PLXNA4: variants seen among roughly 807,000 people sequenced by gnomAD.
The protein encoded by PLXNA4 is plexin-A4.
PLXNA4 carries 44 observed loss-of-function variants against 191.8 expected under a neutral mutation model. That is an observed-to-expected ratio of 0.23 (90% CI 0.18 to 0.29). The LOEUF (loss-of-function observed/expected upper bound fraction) is 0.29, where lower values mean the gene tolerates loss of function less well. PLXNA4 is among the 10% of genes least tolerant of loss of function. The probability of loss-of-function intolerance (pLI) is 1.00; values close to 1 mark genes in which losing one functional copy is unlikely to be tolerated. For missense variants in PLXNA4, 1,800 were observed against 2,488.8 expected (o/e 0.72, Z 5.89); for synonymous variants, 1,082 against 1,009.5 (o/e 1.07, Z -1.36).
At chr7:132,285,106 G>A (rs1800635543) in intron 4 of PLXNA4, among the ~76,000 whole-genome samples, 1 of 152,196 alleles carries the variant, frequency 6.6e-6, no homozygotes, top group East Asian at 1.9e-4. Flanking sequence ...GCCTCATTGA[G>A]TTGTCATTAT....
intron 3 of PLXNA4, among the ~76,000 whole-genome samples, chr7:132,339,989 A>G (rs1175416625): frequency 1.3e-5 from 2 of 152,268 alleles, no homozygotes; most frequent in African/African-American, 4.8e-5. Flanking sequence ...ATCCAGACTG[A>G]AAATACTCAC....
intron 14 of PLXNA4, among the ~76,000 whole-genome samples, chr7:132,188,991 AAGGAGAGAGAGAGAGAGAGAGAGAG>A (rs1796979750): frequency 4.7e-5 from 2 of 42,474 alleles, no homozygotes; most frequent in African/African-American, 1.5e-4. Context: ...AAGGAAAGGA[AAGGAGAGAGAGAGAGAGAGAGAGAG>A]AGAGAGAGAG....
At chr7:132,513,595 G>A (rs753314127) in intron 1 of PLXNA4, among the ~76,000 whole-genome samples, 2 of 152,178 alleles carry the variant, frequency 1.3e-5, no homozygotes, top group Admixed American at 1.3e-4. Flanking sequence ...CCCTAAGATG[G>A]CATTTCAAAA....
chr7:132,186,535 C>A (rs1796883529), intron 15 of PLXNA4, among the ~76,000 whole-genome samples: 1 of 152,182 alleles, frequency 6.6e-6, no homozygotes, highest in Non-Finnish European at 1.5e-5. Flanking sequence ...GAGCCCAAAT[C>A]CTCTCCCAAA....
intron 1 of PLXNA4, among the ~76,000 whole-genome samples, chr7:132,568,233 C>A (rs2116738082): frequency 6.6e-6 from 1 of 152,286 alleles, no homozygotes; most frequent in East Asian, 1.9e-4. Flanking sequence ...ACGACCTCCC[C>A]CTGCTTCCCA....
intron 24 of PLXNA4, among the ~76,000 whole-genome samples, chr7:132,162,885 GA>G (rs1195167020): frequency 6.6e-6 from 1 of 152,106 alleles, no homozygotes; most frequent in African/African-American, 2.4e-5. Flanking sequence ...TCAGAGGTGG[GA>G]ACTGTCTCCC....
intron 2 of PLXNA4, among the ~76,000 whole-genome samples, chr7:132,610,871 CAG>C (rs1803031678): frequency 6.6e-6 from 1 of 152,160 alleles, no homozygotes; most frequent in Admixed American, 6.5e-5. Flanking sequence ...CTTGGAGGAG[CAG>C]AGGTTTGCCA....
intron 5 of PLXNA4, among the ~76,000 whole-genome samples, chr7:132,232,230 C>T (rs1431974450): frequency 6.6e-6 from 1 of 152,124 alleles, no homozygotes; most frequent in Non-Finnish European, 1.5e-5. Flanking sequence ...TTCCAAGAGG[C>T]CTCAGGTACT....
intron 3 of PLXNA4, among the ~76,000 whole-genome samples, chr7:132,427,523 C>T (rs372922238): frequency 6.6e-6 from 1 of 152,198 alleles, no homozygotes; most frequent in Non-Finnish European, 1.5e-5. Flanking sequence ...TGTGGGGGCC[C>T]TCACCTCCAC....
chr7:132,551,369 C>G (rs986782480), intron 1 of PLXNA4, among the ~76,000 whole-genome samples: 1 of 152,104 alleles, frequency 6.6e-6, no homozygotes, highest in Non-Finnish European at 1.5e-5. Context: ...ACATACTAAC[C>G]CATATTGAAC....
intron 4 of PLXNA4, among the ~76,000 whole-genome samples, chr7:132,275,133 C>T (rs935476817): frequency 1.3e-5 from 2 of 152,118 alleles, no homozygotes; most frequent in Admixed American, 6.6e-5. Context: ...TGACTCTTCT[C>T]TATAATTATT....
chr7:132,161,347 G>A (rs1562890016), intron 24 of PLXNA4, among the ~76,000 whole-genome samples: 1 of 152,258 alleles, frequency 6.6e-6, no homozygotes, highest in Admixed American at 6.5e-5. Flanking sequence ...TAAAGTGGAA[G>A]CAGTGGCCCC....
chr7:132,385,635 T>C (rs1805097951), intron 3 of PLXNA4, among the ~76,000 whole-genome samples: 1 of 152,226 alleles, frequency 6.6e-6, no homozygotes, highest in African/African-American at 2.4e-5. Flanking sequence ...GCCTCACCTA[T>C]GTCCCTGAAA....
rs1585079593 is a variant in PLXNA4 at position 132,396,658 on chromosome 7, T to G, written c.1371+92634A>C. 5.9e-5 allele frequency among the ~76,000 whole-genome samples: 9 copies of G among 152,286 alleles called. 2 individuals are homozygous for G. Among genetic ancestry groups the G allele is most frequent in the Admixed American group, 5.9e-4 (9 of 15,294 alleles). ...GGTGTGTGCAACCATGGCCGACTAA[T>G]TTTTTGTATTTTTGGTAGAGGACGG... On this transcript the variant is annotated intron_variant, in intron 3 of 31. Coordinates refer to ENST00000321063, the MANE Select transcript of PLXNA4 (RefSeq NM_020911.2).
At chr7:132,225,943 C>T (rs1798308186) in intron 8 of PLXNA4, among the ~76,000 whole-genome samples, 2 of 152,076 alleles carry the variant, frequency 1.3e-5, no homozygotes, top group African/African-American at 4.8e-5. Context: ...TAGTCTCTTT[C>T]CATTAACCCT....
intron 3 of PLXNA4, among the ~76,000 whole-genome samples, chr7:132,421,885 A>G (rs1794862935): frequency 1.3e-5 from 2 of 152,162 alleles, no homozygotes; most frequent in Admixed American, 6.5e-5. Context: ...TGAGATGTCA[A>G]ATACATCACT....
chr7:132,265,548 A>G (rs1314864029), intron 4 of PLXNA4, among the ~76,000 whole-genome samples: 2 of 152,200 alleles, frequency 1.3e-5, no homozygotes, highest in African/African-American at 4.8e-5. Context: ...CAGCAAGAAG[A>G]CAGGATTGGG....
At chr7:132,455,860 C>T (rs961511537) in intron 3 of PLXNA4, among the ~76,000 whole-genome samples, 1 of 152,148 alleles carries the variant, frequency 6.6e-6, no homozygotes, top group African/African-American at 2.4e-5. Context: ...CTGCCCAGAC[C>T]TGACCATCAA....
chr7:132,383,232 A>G (rs2116950380), intron 3 of PLXNA4, among the ~76,000 whole-genome samples: 2 of 152,228 alleles, frequency 1.3e-5, no homozygotes, highest in East Asian at 3.9e-4. Context: ...CCCCCTCGAG[A>G]AAAGACCCCC....
Sources: gnomAD v4.1 joint callset for allele counts (sites outside exome capture counted in the v4.1 genomes callset) on GRCh38, gnomAD v4.1.1 for gene constraint, MANE v1.5 for transcripts, NCBI Gene and HGNC (gene_info 2026-07-23, HGNC 2026-07-21) for gene names.